Variants in GARNL3 observed in about 807,000 individuals in gnomAD.
GARNL3 encodes the protein GTPase-activating Rap/Ran-GAP domain-like protein 3.
A neutral mutation model predicts 125.0 loss-of-function variants in GARNL3; 63 were observed. That is an observed-to-expected ratio of 0.50 (90% CI 0.41 to 0.62). The LOEUF is 0.62. Among genes scored for constraint, GARNL3 ranks in the 20% least tolerant of loss-of-function variants. The probability of loss-of-function intolerance (pLI) is 0.00; values close to 1 mark genes in which losing one functional copy is unlikely to be tolerated. For missense variants in GARNL3, 994 were observed against 1,244.0 expected, an observed-to-expected ratio of 0.80 and a Z score of 3.02; for synonymous variants, 439 against 457.5, an observed-to-expected ratio of 0.96 and a Z score of 0.52.
chr9:127,227,659 C>T lies in GARNL3; in HGVS notation c.-29+3321C>T, dbSNP rs546458044. 2.6e-5 allele frequency among the ~76,000 whole-genome samples: 4 copies of T among 151,914 alleles called. No homozygotes were observed. In the South Asian group the frequency reaches 8.3e-4, roughly 32 times the overall value. ...TGTGGCTGGGCATCGCGGCTCACAC[C>T]TACACTCAATGCATTGGGAGGCTGA... On this transcript the variant is annotated intron_variant, in intron 1 of 10. Transcript: ENST00000439286.
rs550232356 is a variant in GARNL3, at chr9:127,242,845, A to T, written c.-28-234A>T. 1.2e-4 allele frequency among the ~76,000 whole-genome samples: 18 copies of T among 151,932 alleles called. No individual in the cohort carries two copies. Among genetic ancestry groups the T allele is most frequent in the Admixed American group, 6.6e-4 (10 of 15,248 alleles). On this transcript the variant is annotated intron_variant, in intron 1 of 10. Coordinates refer to the GARNL3 transcript ENST00000439286. This position sits in a 1 kb window ranked among gnomAD's most constrained non-coding sequence, Gnocchi z 4.6. ...TTTTACTTTATACTCCGCGGACTTA[A>T]CTGATTGCTGAGGGATGTAACAGGA... is the stretch of plus-strand genomic sequence containing the variant.
chr9:127,260,057 C>T (rs1238458918), upstream of GARNL3, among the ~76,000 whole-genome samples: 2 of 152,082 alleles, frequency 1.3e-5, no homozygotes, highest in Non-Finnish European at 2.9e-5. Context: ...CTTGTTTATT[C>T]TTTATAACCC....
At chr9:127,273,214 G>C (rs1004643269) in intron 1 of GARNL3, among the ~76,000 whole-genome samples, 1 of 152,150 alleles carries the variant, frequency 6.6e-6, no homozygotes, top group Non-Finnish European at 1.5e-5. Context: ...CAGCTAGGAA[G>C]AAGCAGGAGT....
intron 6 of GARNL3, among the ~76,000 whole-genome samples, chr9:127,323,710 A>C (rs1236006952): frequency 6.6e-5 from 10 of 151,282 alleles, no homozygotes; most frequent in African/African-American, 2.2e-4. Context: ...TTAACTGGGG[A>C]TCCAATTCCT....
intron 1 of GARNL3, among the ~76,000 whole-genome samples, chr9:127,224,980 A>C (rs1588643130): frequency 3.2e-5 from 2 of 63,484 alleles, no homozygotes. Context: ...GGGGAAGCAG[A>C]GCTGGAGTTG....
At chr9:127,250,424 G>A (rs2063380586) in intron 2 of GARNL3, among the ~76,000 whole-genome samples, 1 of 152,226 alleles carries the variant, frequency 6.6e-6, no homozygotes, top group Non-Finnish European at 1.5e-5. Context: ...TGTGAGAGAA[G>A]ACATGGGAGA....
chr9:127,310,153 G>A (rs1400631327), intron 2 of GARNL3, among the ~76,000 whole-genome samples: 1 of 152,090 alleles, frequency 6.6e-6, no homozygotes. Flanking sequence ...AAATGATAAG[G>A]AATGAACTAT....
chr9:127,236,732 A>G (rs764478053), intron 1 of GARNL3, among the ~76,000 whole-genome samples: 6 of 152,138 alleles, frequency 3.9e-5, no homozygotes, highest in Non-Finnish European at 7.4e-5. Context: ...CTAGTGTGCT[A>G]TTCTTTTGGT....
intron 26 of GARNL3, 65 bp from the exon 27 acceptor site, chr9:127,390,576 G>A: frequency 6.7e-7 from 1 of 1,499,528 alleles, no homozygotes; most frequent in South Asian, 1.2e-5. Context: ...GAAAAAATAA[G>A]GGTCTTTTCT....
At chr9:127,372,036 G>C (rs1333938301) in intron 22 of GARNL3, among the ~76,000 whole-genome samples, 1 of 152,180 alleles carries the variant, frequency 6.6e-6, no homozygotes, top group Non-Finnish European at 1.5e-5. Flanking sequence ...GGGTCCAAAT[G>C]ATTCTCCTGC....
At chr9:127,250,849 G>A (rs750559750) in intron 2 of GARNL3, among the ~76,000 whole-genome samples, 1 of 152,020 alleles carries the variant, frequency 6.6e-6, no homozygotes, top group Admixed American at 6.6e-5. Flanking sequence ...GGATGGTCTC[G>A]CTCCCTGCCA....
chr9:127,243,696 A>G (rs765142559), intron 2 of GARNL3, among the ~76,000 whole-genome samples: 1 of 152,368 alleles, frequency 6.6e-6, no homozygotes, highest in Non-Finnish European at 1.5e-5. Context: ...TAAATAGTAT[A>G]TGGAAGCAAA....
intron 10 of GARNL3, 91 bp downstream of exon 10, chr9:127,335,424 A>T: frequency 9.6e-7 from 1 of 1,045,428 alleles, no homozygotes; most frequent in Non-Finnish European, 1.5e-6. Flanking sequence ...ATGCCGGTTA[A>T]CATATGAGCT....
At chr9:127,329,168 C>T (rs542600601) in intron 7 of GARNL3, among the ~76,000 whole-genome samples, 2 of 152,264 alleles carry the variant, frequency 1.3e-5, no homozygotes, top group African/African-American at 2.4e-5. Context: ...TTTGGGAAGT[C>T]CTGGACACCA....
At chr9:127,335,650 TA>T (rs943271781) in intron 10 of GARNL3, among the ~76,000 whole-genome samples, 1 of 152,168 alleles carries the variant, frequency 6.6e-6, no homozygotes, top group Non-Finnish European at 1.5e-5. Context: ...TCTTTTTTTT[TA>T]ATATATTTGA....
At chr9:127,318,816 CT>C (rs2065313455) in intron 5 of GARNL3, among the ~76,000 whole-genome samples, 1 of 152,164 alleles carries the variant, frequency 6.6e-6, no homozygotes, top group Admixed American at 6.5e-5. Context: ...GTGCTGAATG[CT>C]TTATGAGTGT....
chr9:127,248,964 A>G (rs1354833208), intron 2 of GARNL3, among the ~76,000 whole-genome samples: 1 of 151,802 alleles, frequency 6.6e-6, no homozygotes. Flanking sequence ...AGCTAATTCC[A>G]AAAAGACAAG....
In GARNL3 at chr9:127,342,215, T is replaced by G; in HGVS notation, c.1136-4T>G. Reference sequence around the variant, plus strand: ...AATTCCCTTTTTAACTTGATTTATTTTAGTAATTAATGGTGAAAAAGCCAC... The same window carrying G: ...AATTCCCTTTTTAACTTGATTTATTGTAGTAATTAATGGTGAAAAAGCCAC... On this transcript the variant is annotated splice_polypyrimidine_tract_variant and splice_region_variant and intron_variant, in intron 13 of 27. Coordinates refer to ENST00000373387, the MANE Select transcript of GARNL3 (RefSeq NM_032293.5). 1 of 1,553,586 alleles carries G rather than the reference T, an allele frequency of 6.4e-7. No individual in the cohort carries two copies.
At chr9:127,246,005 G>A (rs1351228599) in intron 2 of GARNL3, among the ~76,000 whole-genome samples, 1 of 152,144 alleles carries the variant, frequency 6.6e-6, no homozygotes, top group East Asian at 1.9e-4. Context: ...GAACACCAAT[G>A]AAGTTGACCA....
Sources: gnomAD v4.1 joint callset for allele counts (sites outside exome capture counted in the v4.1 genomes callset) on GRCh38, gnomAD v4.1.1 for gene constraint, Gnocchi (gnomAD v3.1) non-coding constraint, MANE v1.5 for transcripts, NCBI Gene and HGNC (gene_info 2026-07-23, HGNC 2026-07-21) for gene names.